ANK3: variants seen among roughly 807,000 people sequenced by gnomAD.
ANK3 encodes the protein ankyrin-3.
In ANK3, 57 loss-of-function variants were observed where a neutral mutation model predicts 370.9. The observed-to-expected ratio is 0.15, with a 90% CI of 0.12 to 0.19. ANK3 has a LOEUF of 0.19. ANK3 is among the 10% of genes least tolerant of loss of function. The probability of loss-of-function intolerance (pLI) is 1.00; values close to 1 mark genes in which losing one functional copy is unlikely to be tolerated. For synonymous variants in ANK3, 1,929 were observed against 1,946.3 expected, an observed-to-expected ratio of 0.99 and a Z score of 0.23; for missense variants, 4,439 against 5,302.1, an observed-to-expected ratio of 0.84 and a Z score of 5.06.
chr10:60,695,064 A>C (rs1246827191), intron 1 of ANK3, among the ~76,000 whole-genome samples: 18 of 148,120 alleles, frequency 1.2e-4, no homozygotes, highest in Non-Finnish European at 2.0e-4. Flanking sequence ...TCTACCAAGC[A>C]AATGGAAAAC....
chr10:60,158,178 T>G (rs1377997713), intron 23 of ANK3, among the ~76,000 whole-genome samples: 2 of 152,028 alleles, frequency 1.3e-5, no homozygotes, highest in African/African-American at 4.8e-5. Context: ...AAACAAAAGC[T>G]GAGAGATTTC....
At chr10:60,127,546 A>G (rs2093825473) in intron 25 of ANK3, among the ~76,000 whole-genome samples, 1 of 152,154 alleles carries the variant, frequency 6.6e-6, no homozygotes, top group Admixed American at 6.6e-5. Flanking sequence ...CTTACAACTA[A>G]TTCTGGTGTC....
intron 1 of ANK3, among the ~76,000 whole-genome samples, chr10:60,680,504 C>A (rs1490085134): frequency 6.6e-6 from 1 of 152,198 alleles, no homozygotes; most frequent in Non-Finnish European, 1.5e-5. Flanking sequence ...CCTTGCCTAA[C>A]CTCAGTCTCC....
rs552464641 is a variant in ANK3 at position 60,352,749 on chromosome 10, G to A, written c.114+36676C>T. ...TTCTTAGCAAGTAGAAGATGTAAGT[G>A]TTGAGCCATTTACTTTTCTATTTCT... On this transcript the variant is annotated intron_variant, in intron 1 of 43. Transcript: ENST00000280772. Among the ~76,000 whole-genome samples, 16 of 152,308 alleles carry A rather than the reference G, an allele frequency of 1.1e-4. No homozygotes were observed. The South Asian group carries it at 2.7e-3, about 26-fold the overall frequency.
At chr10:60,089,925 T>C (rs994187292) in intron 28 of ANK3, among the ~76,000 whole-genome samples, 8 of 152,140 alleles carry the variant, frequency 5.3e-5, no homozygotes, top group Non-Finnish European at 1.2e-4. Context: ...ATTTAAAAGA[T>C]GGTATTTACA....
At chr10:60,085,836 G>C (rs1042265155) in intron 30 of ANK3, among the ~76,000 whole-genome samples, 2 of 151,996 alleles carry the variant, frequency 1.3e-5, no homozygotes, top group Non-Finnish European at 2.9e-5. Context: ...GGCTGGTCTC[G>C]AACTCCTGAC....
Position 60,173,095 on chromosome 10 carries a change from T to C in ANK3, c.2276A>G (p.Lys759Arg), listed in dbSNP as rs1180754024. 1 of 1,613,824 alleles carries C rather than the reference T, an allele frequency of 6.2e-7. No individual in the cohort carries two copies. Among genetic ancestry groups the C allele is most frequent in the Admixed American group, 1.7e-5 (1 of 59,984 alleles). The change falls in exon 19 of 44, where the codon AAA (lysine) becomes AGA (arginine). Residue 759 changes from lysine to arginine, a missense_variant. Physicochemically the swap from Lys to Arg is conservative, Grantham distance 26 (BLOSUM62 2). Around this residue, in one of 13 missense-constraint regions of ANK3, gnomAD observed 702 missense variants for 941.5 expected, o/e 0.75. Coordinates refer to ENST00000280772, the MANE Select transcript of ANK3 (RefSeq NM_020987.5). ...LLQHSAKVNA[K>R]TKNGYTPLHQ... Reference sequence around the variant, plus strand: ...AAAAAGGAAGGAGCTTACCTTTGTTTTGGCATTAACTTTTGCAGAATGCTG... The same window carrying C: ...AAAAAGGAAGGAGCTTACCTTTGTTCTGGCATTAACTTTTGCAGAATGCTG...
At chr10:60,038,237 A>T (rs1247367891) in intron 43 of ANK3, among the ~76,000 whole-genome samples, 1 of 152,196 alleles carries the variant, frequency 6.6e-6, no homozygotes, top group Non-Finnish European at 1.5e-5. Flanking sequence ...TCTCTACTAA[A>T]AATACAAAAA....
chr10:60,505,274 A>G (rs2075906888), intron 2 of ANK3, among the ~76,000 whole-genome samples: 1 of 152,048 alleles, frequency 6.6e-6, no homozygotes, highest in Non-Finnish European at 1.5e-5. Context: ...ATCAACATGA[A>G]TTATAAAATG....
chr10:60,457,795 G>A (rs534360478), intron 2 of ANK3, among the ~76,000 whole-genome samples: 76 of 152,114 alleles, frequency 5.0e-4, no homozygotes, highest in African/African-American at 1.7e-3. Context: ...CCTTATCCTT[G>A]GGTCCTTACT....
chr10:60,112,658 G>A (rs2092800050), intron 26 of ANK3, among the ~76,000 whole-genome samples: 1 of 152,102 alleles, frequency 6.6e-6, no homozygotes, highest in African/African-American at 2.4e-5. Context: ...GTAAAATGAG[G>A]ATAATGAGTA....
intron 1 of ANK3, among the ~76,000 whole-genome samples, chr10:60,346,990 A>C (rs2055687038): frequency 6.7e-6 from 1 of 149,304 alleles, no homozygotes; most frequent in Non-Finnish European, 1.5e-5. Flanking sequence ...GAGACCATCT[A>C]TTAGTAGCTT....
intron 1 of ANK3, among the ~76,000 whole-genome samples, chr10:60,319,250 T>C (rs1018531219): frequency 3.3e-5 from 5 of 152,208 alleles, no homozygotes; most frequent in Non-Finnish European, 2.9e-5. Context: ...CATTTGATCA[T>C]CACTAGTACC....
intron 16 of ANK3, among the ~76,000 whole-genome samples, chr10:60,190,156 C>T: frequency 6.6e-6 from 1 of 152,128 alleles, no homozygotes; most frequent in East Asian, 1.9e-4. Context: ...TAAGACAATA[C>T]ATTGGCAATT....
chr10:60,732,905 G>C (rs2080044948), intron 1 of ANK3, among the ~76,000 whole-genome samples: 1 of 151,904 alleles, frequency 6.6e-6, no homozygotes, highest in Non-Finnish European at 1.5e-5. Flanking sequence ...CCCAAGACGA[G>C]AGACCGAGGT....
At chr10:60,580,504 C>T (rs1374003984) in intron 2 of ANK3, among the ~76,000 whole-genome samples, 1 of 152,104 alleles carries the variant, frequency 6.6e-6, no homozygotes, top group African/African-American at 2.4e-5. Context: ...TAAGAATTTT[C>T]CATGTAAATT....
chr10:60,605,237 A>G (rs1252901398), intron 2 of ANK3, among the ~76,000 whole-genome samples: 1 of 152,056 alleles, frequency 6.6e-6, no homozygotes, highest in Non-Finnish European at 1.5e-5. Context: ...TTCTACGGGA[A>G]ACACATAAAT....
chr10:60,669,833 A>G (rs562581249), intron 1 of ANK3, among the ~76,000 whole-genome samples: 1 of 151,548 alleles, frequency 6.6e-6, no homozygotes, highest in South Asian at 2.1e-4. Flanking sequence ...CTTATTTTTT[A>G]CTTTTTTGAG....
intron 1 of ANK3, among the ~76,000 whole-genome samples, chr10:60,641,803 C>T (rs1192058185): frequency 6.6e-6 from 1 of 152,180 alleles, no homozygotes; most frequent in Admixed American, 6.5e-5. Flanking sequence ...AACTAAAGAG[C>T]TTCTGCCCAG....
Sources: gnomAD v4.1 joint callset for allele counts (sites outside exome capture counted in the v4.1 genomes callset) on GRCh38, gnomAD v4.1.1 for gene constraint, gnomAD v4.1.1 regional missense constraint, MANE v1.5 for transcripts, NCBI Gene and HGNC (gene_info 2026-07-23, HGNC 2026-07-21) for gene names.